The following WDPCP variants were observed in gnomAD, a reference collection of about 807,000 sequenced individuals.
The protein encoded by WDPCP is WD repeat-containing and planar cell polarity effector protein fritz homolog.
WDPCP carries 71 observed loss-of-function variants against 93.1 expected under a neutral mutation model. The ratio of observed to expected loss-of-function variants is 0.76; its 90% CI spans 0.63 to 0.93. WDPCP has a LOEUF of 0.93. WDPCP is among the 40% of genes least tolerant of loss of function. The pLI is 0.00. For synonymous variants in WDPCP, 315 were observed against 315.0 expected, an observed-to-expected ratio of 1.00 and a Z score of 0.00; for missense variants, 844 against 887.4, an observed-to-expected ratio of 0.95 and a Z score of 0.62.
At chr2:63,237,084 T>C (rs1406930374) in intron 14 of WDPCP, among the ~76,000 whole-genome samples, 1 of 150,262 alleles carries the variant, frequency 6.7e-6, no homozygotes. Context: ...AAACTACACC[T>C]CCAACAAAGG....
intron 1 of WDPCP, among the ~76,000 whole-genome samples, chr2:63,510,759 T>C (rs1297731388): frequency 2.0e-5 from 3 of 152,076 alleles, no homozygotes; most frequent in South Asian, 2.1e-4. Flanking sequence ...AGATCACAAG[T>C]TCAGGTACTC....
At chr2:63,757,631 G>C (rs968382121) in intron 2 of WDPCP, among the ~76,000 whole-genome samples, 15 of 152,190 alleles carry the variant, frequency 9.9e-5, no homozygotes, top group Non-Finnish European at 1.5e-4. Context: ...GTAGCCATTA[G>C]AGCTATTCTA....
At chr2:63,253,467 A>C (rs1444857569) in intron 14 of WDPCP, among the ~76,000 whole-genome samples, 1 of 152,226 alleles carries the variant, frequency 6.6e-6, no homozygotes, top group African/African-American at 2.4e-5. Flanking sequence ...ACAGAATGAG[A>C]GAAAATATTT....
chr2:63,545,405 G>A (rs532378637), intron 1 of WDPCP, among the ~76,000 whole-genome samples: 12 of 151,768 alleles, frequency 7.9e-5, no homozygotes, highest in East Asian at 3.9e-4. Context: ...ACAGATGAAT[G>A]AAAATGGAGG....
At chr2:63,465,704 A>G (rs187501573) in intron 6 of WDPCP, among the ~76,000 whole-genome samples, 1 of 152,306 alleles carries the variant, frequency 6.6e-6, no homozygotes, top group African/African-American at 2.4e-5. Context: ...CTAACAGAAG[A>G]CAGGCACCAC....
intron 2 of WDPCP, among the ~76,000 whole-genome samples, chr2:63,680,518 G>C (rs542389913): frequency 1.8e-4 from 27 of 152,308 alleles, no homozygotes; most frequent in African/African-American, 6.5e-4. Flanking sequence ...TGGCCAGAAG[G>C]GAATCACCCA....
intron 2 of WDPCP, among the ~76,000 whole-genome samples, chr2:63,785,483 T>C (rs925249309): frequency 3.9e-5 from 6 of 152,206 alleles, no homozygotes; most frequent in African/African-American, 1.4e-4. Flanking sequence ...TTATATTATA[T>C]ACATTTACTT....
intron 12 of WDPCP, among the ~76,000 whole-genome samples, chr2:63,349,303 C>T (rs571370780): frequency 6.6e-6 from 1 of 151,842 alleles, no homozygotes; most frequent in South Asian, 2.1e-4. Flanking sequence ...TAAAATAATT[C>T]AGATCTTAGT....
intron 1 of WDPCP, among the ~76,000 whole-genome samples, chr2:63,550,709 A>ATG (rs1046807533): frequency 2.1e-4 from 32 of 151,646 alleles, no homozygotes; most frequent in African/African-American, 7.5e-4. Flanking sequence ...ATATACATAT[A>ATG]TGTGTGTATA....
At chr2:63,247,961 A>G (rs1275176363) in intron 14 of WDPCP, among the ~76,000 whole-genome samples, 1 of 152,098 alleles carries the variant, frequency 6.6e-6, no homozygotes, top group Non-Finnish European at 1.5e-5. Context: ...TGGGAATTAT[A>G]TATAACATTC....
intron 6 of WDPCP, among the ~76,000 whole-genome samples, chr2:63,481,754 G>A (rs898366104): frequency 7.9e-5 from 12 of 151,770 alleles, no homozygotes; most frequent in Non-Finnish European, 1.3e-4. Flanking sequence ...GGGTGGGAGG[G>A]GGGTGAGGGA....
At chr2:63,323,697 G>A (rs553545449) in intron 12 of WDPCP, among the ~76,000 whole-genome samples, 3 of 152,168 alleles carry the variant, frequency 2.0e-5, no homozygotes, top group East Asian at 1.9e-4. Context: ...AGAATGTGTC[G>A]GTAAGGGCCA....
At chr2:63,122,517 C>G (rs1316829271) in intron 17 of WDPCP, among the ~76,000 whole-genome samples, 2 of 152,140 alleles carry the variant, frequency 1.3e-5, no homozygotes, top group African/African-American at 2.4e-5. Context: ...TTTTATAAGA[C>G]TTTCATAACA....
chr2:63,265,129 C>T (rs1231889906), intron 13 of WDPCP, among the ~76,000 whole-genome samples: 1 of 151,792 alleles, frequency 6.6e-6, no homozygotes, highest in African/African-American at 2.4e-5. Context: ...TAACATTACA[C>T]CTCAAGGAAC....
At chr2:63,832,664 A>G (rs1019120702), upstream of WDPCP, among the ~76,000 whole-genome samples, 1 of 152,220 alleles carries the variant, frequency 6.6e-6, no homozygotes, top group Non-Finnish European at 1.5e-5. Flanking sequence ...ACACCTATAC[A>G]GTACTCTACA....
At chr2:63,524,459 ACT>A (rs1236261084) in intron 1 of WDPCP, among the ~76,000 whole-genome samples, 1 of 151,942 alleles carries the variant, frequency 6.6e-6, no homozygotes, top group Non-Finnish European at 1.5e-5. Flanking sequence ...TACAACCACA[ACT>A]CTCTGATCTT....
At chr2:63,388,733 C>T (rs950691219) in intron 10 of WDPCP, among the ~76,000 whole-genome samples, 10 of 152,090 alleles carry the variant, frequency 6.6e-5, no homozygotes, top group African/African-American at 1.4e-4. Context: ...AACCATGGCA[C>T]GAGAACTTTG....
intron 13 of WDPCP, among the ~76,000 whole-genome samples, chr2:63,304,747 C>A (rs1035733358): frequency 5.9e-5 from 9 of 152,102 alleles, no homozygotes; most frequent in African/African-American, 1.9e-4. Context: ...CAGTGAGACA[C>A]AACCGTTTAC....
chr2:63,523,810 C>T (rs186266633), intron 1 of WDPCP, among the ~76,000 whole-genome samples: 120 of 152,292 alleles, frequency 7.9e-4, no homozygotes, highest in Middle Eastern at 3.4e-3. Flanking sequence ...ACTCGGGAGG[C>T]TGAGGCAGGA....
Sources: gnomAD v4.1 joint callset for allele counts (sites outside exome capture counted in the v4.1 genomes callset) on GRCh38, gnomAD v4.1.1 for gene constraint, MANE v1.5 for transcripts, NCBI Gene and HGNC (gene_info 2026-07-23, HGNC 2026-07-21) for gene names.